GINS1: variants seen among roughly 807,000 people sequenced by gnomAD.
The protein encoded by GINS1 is DNA replication complex GINS protein PSF1.
Under a neutral mutation model 34.9 loss-of-function variants are expected in GINS1, and 26 were observed. That is an observed-to-expected ratio of 0.74 (90% CI 0.55 to 1.03). The LOEUF is 1.03. Among genes scored for constraint, GINS1 ranks in the 50% least tolerant of loss-of-function variants. The pLI is 0.00. For synonymous variants in GINS1, 97 were observed against 84.4 expected, an observed-to-expected ratio of 1.15 and a Z score of -0.82; for missense variants, 235 against 237.9, an observed-to-expected ratio of 0.99 and a Z score of 0.08.
chr20:25,442,368 C>T (rs2090486799), intron 6 of GINS1, among the ~76,000 whole-genome samples: 1 of 151,832 alleles, frequency 6.6e-6, no homozygotes, highest in African/African-American at 2.4e-5. Context: ...GTCTGTCTGT[C>T]TGTCTATCTA....
intron 5 of GINS1, among the ~76,000 whole-genome samples, chr20:25,433,258 A>G (rs2090437133): frequency 6.6e-6 from 1 of 152,058 alleles, no homozygotes; most frequent in African/African-American, 2.4e-5. Context: ...GGACTGGGGA[A>G]TAATAACTTT....
At chr20:25,435,199 G>A (rs1396292039) in intron 5 of GINS1, among the ~76,000 whole-genome samples, 1 of 152,036 alleles carries the variant, frequency 6.6e-6, no homozygotes, top group African/African-American at 2.4e-5. Flanking sequence ...TGAATATATT[G>A]GCCCACTGCC....
chr20:25,409,919 T>G (rs942524278), intron 1 of GINS1, among the ~76,000 whole-genome samples: 2 of 152,194 alleles, frequency 1.3e-5, no homozygotes, highest in African/African-American at 4.8e-5. Flanking sequence ...ACAGAGAGAC[T>G]GTGCAAACAG....
intron 4 of GINS1, among the ~76,000 whole-genome samples, chr20:25,418,468 A>G (rs576436321): frequency 6.6e-6 from 1 of 152,324 alleles, no homozygotes; most frequent in Non-Finnish European, 1.5e-5. Context: ...TGGCATTATT[A>G]TTTGGTGATA....
At chr20:25,427,595 T>C (rs1292011756) in intron 5 of GINS1, among the ~76,000 whole-genome samples, 1 of 152,238 alleles carries the variant, frequency 6.6e-6, no homozygotes, top group African/African-American at 2.4e-5. Flanking sequence ...TATTAGCTAT[T>C]CCTGTGTCTT....
chr20:25,408,173 ATAAT>A (rs2090259527), intron 1 of GINS1, among the ~76,000 whole-genome samples: 1 of 152,230 alleles, frequency 6.6e-6, no homozygotes, highest in Non-Finnish European at 1.5e-5. Flanking sequence ...AGGTTGCCTG[ATAAT>A]TTAGCATTTC....
intron 1 of GINS1, among the ~76,000 whole-genome samples, chr20:25,408,454 C>T (rs1315635900): frequency 6.6e-6 from 1 of 152,172 alleles, no homozygotes; most frequent in Admixed American, 6.5e-5. Context: ...TATTACTTTT[C>T]TCCTGCTGCT....
At chr20:25,412,951 A>C (rs899381447) in intron 1 of GINS1, among the ~76,000 whole-genome samples, 1 of 152,206 alleles carries the variant, frequency 6.6e-6, no homozygotes, top group African/African-American at 2.4e-5. Flanking sequence ...TTTCCTGTGA[A>C]GGGCCAGAGG....
Position 25,445,988 on chromosome 20 carries a change from A to G in GINS1, c.588A>G (p.Ser196=). The G allele has an allele frequency of 6.2e-7, 1 of 1,603,162 alleles. No homozygotes were observed. Among genetic ancestry groups the G allele is most frequent in the Non-Finnish European group, 8.5e-7 (1 of 1,170,546 alleles). Residue 196 remains serine, a synonymous_variant, in exon 7 of 7, where the codon TCA becomes TCG. Transcript: ENST00000262460. ...AAGGAGTCCTGGAGCACATCCTGTC[A>G]TGACCATGCGCCGAGGCACTTCCAG... ...IRQGVLEHIL[S]
rs547555279 is a variant in GINS1 at position 25,445,809 on chromosome 20, C to T, written c.523-114C>T. 1.4e-4 allele frequency: 92 copies of T among 681,400 alleles called. No homozygotes were observed. In the African/African-American group the frequency reaches 1.5e-3, roughly 11 times the overall value. 42.2% of individuals were successfully genotyped at this position (681,400 alleles called of 1,614,324 possible). A position where few individuals can be genotyped will look rare whatever the true frequency, so the allele number is the denominator to read the frequency against. On this transcript the variant is annotated intron_variant, in intron 6 of 6. Transcript: ENST00000262460. The stretch of plus-strand genomic sequence containing the variant: ...CTTAAGTTTAACTTTCAACTACTTA[C>T]TTGTTGGAGTTTGAAAACTAATCAG...
intron 1 of GINS1, among the ~76,000 whole-genome samples, chr20:25,410,115 G>A (rs2090274236): frequency 6.6e-6 from 1 of 152,160 alleles, no homozygotes; most frequent in African/African-American, 2.4e-5. Context: ...GCTGAGGCGG[G>A]CGGATTACAG....
chr20:25,437,856 C>T (rs1300961001), intron 5 of GINS1, among the ~76,000 whole-genome samples: 3 of 152,092 alleles, frequency 2.0e-5, no homozygotes, highest in South Asian at 2.1e-4. Flanking sequence ...CAGTGGCTTA[C>T]GCTTGTAATC....
At chr20:25,420,387 C>T (rs1192930507) in intron 4 of GINS1, among the ~76,000 whole-genome samples, 1 of 151,940 alleles carries the variant, frequency 6.6e-6, no homozygotes, top group Non-Finnish European at 1.5e-5. Context: ...CCACCTCAGC[C>T]TCCCAAAGTG....
chr20:25,437,898 C>T (rs1266840855), intron 5 of GINS1, among the ~76,000 whole-genome samples: 4 of 152,038 alleles, frequency 2.6e-5, no homozygotes, highest in Admixed American at 6.6e-5. Flanking sequence ...GCGGGTGGAT[C>T]ACCTGAGGTC....
intron 6 of GINS1, among the ~76,000 whole-genome samples, chr20:25,444,627 G>T (rs2090501041): frequency 1.3e-5 from 2 of 152,060 alleles, no homozygotes; most frequent in African/African-American, 4.8e-5. Context: ...AGATTTCTTT[G>T]ACCACCTATG....
chr20:25,408,210 G>T (rs145884400), intron 1 of GINS1, among the ~76,000 whole-genome samples: 3 of 152,150 alleles, frequency 2.0e-5, no homozygotes, highest in African/African-American at 2.4e-5. Context: ...GCATCTAATC[G>T]TGGTCAGTAA....
At chr20:25,419,694 G>A (rs1232988459) in intron 4 of GINS1, 5 of 457,946 alleles carry the variant, frequency 1.1e-5, no homozygotes, top group South Asian at 2.1e-5. Flanking sequence ...ATGGAATCTC[G>A]CTCTGTTGCC....
intron 1 of GINS1, among the ~76,000 whole-genome samples, chr20:25,409,958 C>T (rs1190418986): frequency 6.6e-6 from 1 of 152,186 alleles, no homozygotes; most frequent in Non-Finnish European, 1.5e-5. Flanking sequence ...TTGGACCTGA[C>T]TCTGACACTT....
chr20:25,434,265 AGAAT>A (rs2090442110), intron 5 of GINS1, among the ~76,000 whole-genome samples: 1 of 152,028 alleles, frequency 6.6e-6, no homozygotes, highest in Non-Finnish European at 1.5e-5. Flanking sequence ...CCTGGGCGAC[AGAAT>A]GAGTCTCCAC....
Sources: allele counts gnomAD v4.1 joint callset (sites outside exome capture counted in the v4.1 genomes callset), GRCh38; gene constraint gnomAD v4.1.1; transcripts MANE v1.5; gene names NCBI Gene and HGNC (gene_info 2026-07-23, HGNC 2026-07-21).